AFF2: variants seen among roughly 807,000 people sequenced by gnomAD.
AFF2 encodes the protein AF4/FMR2 family member 2.
In AFF2, 14 loss-of-function variants were observed where a neutral mutation model predicts 76.9. The ratio of observed to expected loss-of-function variants is 0.18; its 90% CI spans 0.12 to 0.28. AFF2 has a LOEUF of 0.28. Among genes scored for constraint, AFF2 ranks in the 10% least tolerant of loss-of-function variants. The pLI is 1.00. For missense variants in AFF2, 868 were observed against 1,001.1 expected (o/e 0.87, Z 1.79); for synonymous variants, 398 against 366.7 (o/e 1.09, Z -0.98).
intron 1 of AFF2, among the ~76,000 whole-genome samples, chrX:148,513,832 A>C (rs1603226817): frequency 9.0e-6 from 1 of 110,585 alleles, no homozygotes; most frequent in Admixed American, 9.7e-5. Context: ...TGAGAACCTT[A>C]TGGGGTGCTG....
chrX:148,750,551 T>C (rs1557266421), intron 3 of AFF2, among the ~76,000 whole-genome samples: 1 of 111,414 alleles, frequency 9.0e-6, no homozygotes, highest in African/African-American at 3.3e-5. Context: ...CATTTCTTAC[T>C]GTGCCATCTC....
At chrX:148,933,214 C>T (rs1465644858) in intron 9 of AFF2, among the ~76,000 whole-genome samples, 1 of 111,660 alleles carries the variant, frequency 9.0e-6, no homozygotes, top group African/African-American at 3.3e-5. Flanking sequence ...CAAGAGTATA[C>T]CTGGTGTGCC....
At chrX:148,785,983 G>T (rs928905914) in intron 3 of AFF2, among the ~76,000 whole-genome samples, 6 of 111,573 alleles carry the variant, frequency 5.4e-5, no homozygotes, top group African/African-American at 2.0e-4. Context: ...CCAGCAAGGT[G>T]CCCAATGTAA....
At position 148,501,046 on chromosome X, in the gene AFF2, G is replaced by T; in HGVS notation, c.-52G>T. The T allele has an allele frequency of 8.4e-7, 1 of 1,194,785 alleles. No individual in the cohort carries two copies. The highest frequency in any genetic ancestry group is 1.8e-5 in the South Asian group (1 of 56,306). On this transcript the variant is annotated 5_prime_UTR_variant, in exon 1 of 21. Coordinates refer to ENST00000370460, the MANE Select transcript of AFF2 (RefSeq NM_002025.4). ...AGCGAGCTGTGCCGAGAGCCGCGCC[G>T]ACCCGCTGCGATCAGGGACAGGCGC... is the stretch of plus-strand genomic sequence containing the variant.
At chrX:148,748,405 G>A (rs952385833) in intron 3 of AFF2, among the ~76,000 whole-genome samples, 9 of 112,049 alleles carry the variant, frequency 8.0e-5, no homozygotes, top group Non-Finnish European at 1.1e-4. Context: ...TACAGACAGC[G>A]TGCAGCCATG....
At chrX:148,852,388 GGT>G (rs2070740757) in intron 7 of AFF2, among the ~76,000 whole-genome samples, 1 of 44,160 alleles carries the variant, frequency 2.3e-5, no homozygotes, top group Admixed American at 3.9e-4. Flanking sequence ...ACCAGCAGCT[GGT>G]TTTTTTTTTT....
intron 7 of AFF2, among the ~76,000 whole-genome samples, chrX:148,878,060 G>C (rs1475953077): frequency 9.0e-6 from 1 of 111,479 alleles, no homozygotes; most frequent in African/African-American, 3.3e-5. Flanking sequence ...AATTCCAAAA[G>C]GAATTCTGCC....
At chrX:148,541,659 A>AT (rs1222194337) in intron 1 of AFF2, among the ~76,000 whole-genome samples, 3 of 111,115 alleles carry the variant, frequency 2.7e-5, no homozygotes, top group East Asian at 5.6e-4. Flanking sequence ...CATAGTTGAA[A>AT]TTTTAATCAG....
intron 3 of AFF2, among the ~76,000 whole-genome samples, chrX:148,677,953 G>C (rs1251949352): frequency 1.8e-5 from 2 of 112,046 alleles, no homozygotes; most frequent in African/African-American, 6.5e-5. Flanking sequence ...TGAATTTCTG[G>C]TGGTAGAAGC....
rs782080625 is a variant in AFF2 at position 148,978,472 on chromosome X, A to G, written c.3570+17A>G. The G allele has an allele frequency of 1.9e-6, 2 of 1,041,898 alleles. No homozygotes were observed. The highest frequency in any genetic ancestry group is 2.7e-6 in the Non-Finnish European group (2 of 743,035). The allele number at this position is 1,041,898 out of a possible 1,213,427, so 85.9% of individuals were successfully genotyped here. ...TATTTTAAGGTAATGCTTATTTTGTATAATTTATAGGTACAGGATGATAAA... is the reference window on the plus strand; with the variant it reads ...TATTTTAAGGTAATGCTTATTTTGTGTAATTTATAGGTACAGGATGATAAA... On this transcript the variant is annotated intron_variant, in intron 18 of 20. Coordinates refer to ENST00000370460, the MANE Select transcript of AFF2 (RefSeq NM_002025.4).
intron 1 of AFF2, among the ~76,000 whole-genome samples, chrX:148,539,537 T>C (rs1350877431): frequency 9.0e-6 from 1 of 111,235 alleles, no homozygotes; most frequent in Non-Finnish European, 1.9e-5. Flanking sequence ...CAACAAGAAC[T>C]GGAAGCAACA....
intron 1 of AFF2, among the ~76,000 whole-genome samples, chrX:148,516,900 C>T (rs2052541264): frequency 8.9e-6 from 1 of 111,831 alleles, no homozygotes; most frequent in South Asian, 3.7e-4. Flanking sequence ...AGATTGGGTC[C>T]TAGTATTATT....
At chrX:148,948,514 G>C (rs2071927663) in intron 9 of AFF2, among the ~76,000 whole-genome samples, 1 of 111,818 alleles carries the variant, frequency 8.9e-6, no homozygotes, top group Non-Finnish European at 1.9e-5. Flanking sequence ...ACAGTTGTAG[G>C]TAAAGAAAGG....
At chrX:148,580,174 G>A (rs1557244145) in intron 1 of AFF2, among the ~76,000 whole-genome samples, 1 of 111,274 alleles carries the variant, frequency 9.0e-6, no homozygotes, top group Non-Finnish European at 1.9e-5. Context: ...GCATTTGCCT[G>A]GATACACTTG....
intron 3 of AFF2, among the ~76,000 whole-genome samples, chrX:148,750,306 A>C (rs962106348): frequency 1.8e-5 from 2 of 111,308 alleles, no homozygotes; most frequent in African/African-American, 6.5e-5. Context: ...ACTCCTATGC[A>C]GTCGTCTTTT....
At chrX:148,648,946 G>T (rs2054174359) in intron 1 of AFF2, among the ~76,000 whole-genome samples, 1 of 111,966 alleles carries the variant, frequency 8.9e-6, no homozygotes, top group Non-Finnish European at 1.9e-5. Context: ...GGGTTTTCAT[G>T]CTGATTGATA....
chrX:148,818,188 T>C (rs782660378), intron 4 of AFF2, among the ~76,000 whole-genome samples: 1 of 112,108 alleles, frequency 8.9e-6, no homozygotes, highest in African/African-American at 3.2e-5. Context: ...TATACATATA[T>C]TGTTTTCCTG....
At chrX:148,857,131 G>C (rs1402986752) in intron 7 of AFF2, among the ~76,000 whole-genome samples, 2 of 111,902 alleles carry the variant, frequency 1.8e-5, no homozygotes, top group African/African-American at 6.5e-5. Flanking sequence ...CACTAATGTA[G>C]AATACACTGT....
chrX:148,725,090 G>C (rs1335688036), intron 3 of AFF2, among the ~76,000 whole-genome samples: 1 of 111,079 alleles, frequency 9.0e-6, no homozygotes, highest in Non-Finnish European at 1.9e-5. Flanking sequence ...CCATAGGGTG[G>C]CATTTGACTC....
Sources: gnomAD v4.1 joint callset for allele counts (sites outside exome capture counted in the v4.1 genomes callset) on GRCh38, gnomAD v4.1.1 for gene constraint, MANE v1.5 for transcripts, NCBI Gene and HGNC (gene_info 2026-07-23, HGNC 2026-07-21) for gene names.